Variants in RBFOX1 observed in about 807,000 individuals in gnomAD.
The protein encoded by RBFOX1 is RNA binding protein fox-1 homolog 1.
RBFOX1 carries 8 observed loss-of-function variants against 57.7 expected under a neutral mutation model. The observed-to-expected ratio is 0.14, with a 90% CI of 0.08 to 0.25. The LOEUF (loss-of-function observed/expected upper bound fraction) is 0.25. RBFOX1 is among the 10% of genes least tolerant of loss of function. The probability of loss-of-function intolerance (pLI) is 1.00; values close to 1 mark genes in which losing one functional copy is unlikely to be tolerated. For missense variants in RBFOX1, 611 were observed against 548.5 expected (o/e 1.11, Z -1.14); for synonymous variants, 326 against 222.4 (o/e 1.47, Z -4.15).
chr16:5,795,089 A>G (rs570748971), intron 3 of RBFOX1, among the ~76,000 whole-genome samples: 2 of 152,318 alleles, frequency 1.3e-5, no homozygotes, highest in East Asian at 3.9e-4. Flanking sequence ...TCTCATGTGG[A>G]GAATGGGAAA....
At chr16:6,162,612 T>C (rs1597935308) in intron 1 of RBFOX1, among the ~76,000 whole-genome samples, 3 of 152,256 alleles carry the variant, frequency 2.0e-5, no homozygotes, top group East Asian at 3.9e-4. Context: ...TAACAGTGTT[T>C]CCAAGGAAAG....
At chr16:5,546,000 C>G (rs1488991514) in intron 2 of RBFOX1, among the ~76,000 whole-genome samples, 5 of 151,572 alleles carry the variant, frequency 3.3e-5, no homozygotes, top group Admixed American at 2.0e-4. Flanking sequence ...GATAATTATA[C>G]AAAAAGCCAT....
At chr16:5,374,252 A>C (rs1468508576) in intron 1 of RBFOX1, among the ~76,000 whole-genome samples, 7 of 152,214 alleles carry the variant, frequency 4.6e-5, no homozygotes, top group Non-Finnish European at 8.8e-5. Flanking sequence ...AGTTTCAGGT[A>C]GTTATTTATA....
intron 2 of RBFOX1, among the ~76,000 whole-genome samples, chr16:6,598,653 A>C (rs896998073): frequency 5.9e-5 from 9 of 152,326 alleles, no homozygotes; most frequent in African/African-American, 1.7e-4. Context: ...GCTTTTAAGA[A>C]TACGTAGTGG....
chr16:7,689,947 T>A (rs1324446365), intron 14 of RBFOX1, among the ~76,000 whole-genome samples: 1 of 152,086 alleles, frequency 6.6e-6, no homozygotes, highest in African/African-American at 2.4e-5. Context: ...GTCTAAAACC[T>A]AAGTAGCTAG....
chr16:6,031,309 G>C (rs867178460), intron 1 of RBFOX1, among the ~76,000 whole-genome samples: 1 of 152,274 alleles, frequency 6.6e-6, no homozygotes, highest in Middle Eastern at 3.4e-3. Flanking sequence ...AAGGTGGCCA[G>C]CGTGCCTGGG....
chr16:7,156,890 C>A (rs117129916), intron 4 of RBFOX1, among the ~76,000 whole-genome samples: 8 of 152,142 alleles, frequency 5.3e-5, no homozygotes, highest in Admixed American at 6.6e-5. Context: ...TATTTGCCCT[C>A]CAAGAAAGTT....
At chr16:5,485,108 A>G (rs1318722017) in intron 2 of RBFOX1, among the ~76,000 whole-genome samples, 1 of 151,970 alleles carries the variant, frequency 6.6e-6, no homozygotes, top group Non-Finnish European at 1.5e-5. Context: ...GCACTTTGGG[A>G]GGCCGAGGCG....
intron 4 of RBFOX1, among the ~76,000 whole-genome samples, chr16:7,166,724 A>C (rs1312098174): frequency 2.6e-5 from 4 of 152,066 alleles, no homozygotes; most frequent in East Asian, 3.9e-4. Flanking sequence ...TCTAACCGGC[A>C]TGTCAAGGCA....
intron 13 of RBFOX1, among the ~76,000 whole-genome samples, chr16:7,674,539 G>T (rs57471680): frequency 0.14 from 21,857 of 152,082 alleles, 1,949 homozygotes; most frequent in East Asian, 0.37. Context: ...TCTTAACCCT[G>T]GAATCAGGAA....
intron 1 of RBFOX1, among the ~76,000 whole-genome samples, chr16:6,293,893 AGCG>A (rs756533981): frequency 2.1e-5 from 3 of 142,884 alleles, no homozygotes; most frequent in South Asian, 2.2e-4. Flanking sequence ...TTCCAGGGTG[AGCG>A]GGGGGGTGGT....
At chr16:5,908,714 A>C (rs1197968676) in intron 4 of RBFOX1, among the ~76,000 whole-genome samples, 2 of 152,086 alleles carry the variant, frequency 1.3e-5, no homozygotes, top group Non-Finnish European at 2.9e-5. Context: ...CGATGCATAT[A>C]AACTCGTGGG....
At chr16:5,253,148 T>G (rs1279549034) in intron 1 of RBFOX1, among the ~76,000 whole-genome samples, 5 of 152,152 alleles carry the variant, frequency 3.3e-5, no homozygotes, top group African/African-American at 1.2e-4. Flanking sequence ...TTCTTTTTTT[T>G]TTTCTTTCTT....
At chr16:6,659,480 T>G (rs1028427039) in intron 3 of RBFOX1, among the ~76,000 whole-genome samples, 2 of 152,168 alleles carry the variant, frequency 1.3e-5, no homozygotes, top group African/African-American at 4.8e-5. Context: ...GTATCTTAAG[T>G]ACCGCCGAAT....
At chr16:7,021,999 C>CT (rs2039344163) in intron 3 of RBFOX1, among the ~76,000 whole-genome samples, 1 of 28,084 alleles carries the variant, frequency 3.6e-5, no homozygotes, top group African/African-American at 2.3e-4. Flanking sequence ...TCCCCCTCCC[C>CT]CTCTCCCTCC....
chr16:6,537,761 C>A (rs1313169405), intron 2 of RBFOX1, among the ~76,000 whole-genome samples: 1 of 152,092 alleles, frequency 6.6e-6, no homozygotes, highest in Non-Finnish European at 1.5e-5. Flanking sequence ...AATGTGGTTC[C>A]AACTGAAGAC....
At chr16:6,532,778 C>A (rs1185402455) in intron 2 of RBFOX1, among the ~76,000 whole-genome samples, 1 of 152,190 alleles carries the variant, frequency 6.6e-6, no homozygotes. Flanking sequence ...ACCGTCCCCA[C>A]TCCTGTGTTA....
intron 1 of RBFOX1, among the ~76,000 whole-genome samples, chr16:6,052,641 T>A (rs1055361412): frequency 6.6e-6 from 1 of 151,494 alleles, no homozygotes; most frequent in Admixed American, 6.6e-5. Flanking sequence ...AAAATTAGAC[T>A]GGCGCGGTGG....
At chr16:6,607,776 A>G (rs1016941633) in intron 2 of RBFOX1, among the ~76,000 whole-genome samples, 1 of 152,206 alleles carries the variant, frequency 6.6e-6, no homozygotes, top group Non-Finnish European at 1.5e-5. Flanking sequence ...AGTGTCTACA[A>G]CATAGCTCCC....
Sources: gnomAD v4.1 joint callset for allele counts (sites outside exome capture counted in the v4.1 genomes callset) on GRCh38, gnomAD v4.1.1 for gene constraint, MANE v1.5 for transcripts, NCBI Gene and HGNC (gene_info 2026-07-23, HGNC 2026-07-21) for gene names.